SPTLC2: variants seen among roughly 807,000 people sequenced by gnomAD.
SPTLC2 encodes the protein serine palmitoyltransferase 2.
Under a neutral mutation model 62.0 loss-of-function variants are expected in SPTLC2, and 21 were observed. That is an observed-to-expected ratio of 0.34 (90% CI 0.24 to 0.49). SPTLC2 has a LOEUF of 0.49. Among genes scored for constraint, SPTLC2 ranks in the 20% least tolerant of loss-of-function variants. The pLI, the probability that SPTLC2 is intolerant of heterozygous loss-of-function variation, is 0.99. For missense variants in SPTLC2, 511 were observed against 713.0 expected (o/e 0.72, Z 3.23); for synonymous variants, 261 against 261.8 (o/e 1.00, Z 0.03).
chr14:77,512,785 A>G (rs982658034), intron 11 of SPTLC2, among the ~76,000 whole-genome samples: 1 of 152,000 alleles, frequency 6.6e-6, no homozygotes, highest in Non-Finnish European at 1.5e-5. Context: ...GCGCCCTCCG[A>G]GCTCACTGCA....
chr14:77,612,569 G>A (rs1027331058), intron 1 of SPTLC2, among the ~76,000 whole-genome samples: 3 of 152,146 alleles, frequency 2.0e-5, no homozygotes, highest in Non-Finnish European at 1.5e-5. Flanking sequence ...ATCAGGATCT[G>A]CTAAATCTAA....
Position 77,560,551 on chromosome 14 carries a change from G to C in SPTLC2, c.850+1845C>G, listed in dbSNP as rs147910030. ...GATCGGTTGAGCTGGGGAGGTAGAG[G>C]TTGCAGTGAGCTGAGTTCATGCCAA... On this transcript the variant is annotated intron_variant, in intron 6 of 11. Coordinates refer to ENST00000216484, the MANE Select transcript of SPTLC2 (RefSeq NM_004863.4). Among the ~76,000 whole-genome samples, 714 of 152,082 alleles carry C rather than the reference G, an allele frequency of 4.7e-3. 6 individuals are homozygous for C. The highest frequency in any genetic ancestry group is 0.016 in the African/African-American group (678 of 41,466).
Position 77,570,625 on chromosome 14 carries a change from T to A in SPTLC2, c.632-117A>T, listed in dbSNP as rs1241650685. The A allele has an allele frequency of 2.6e-5, 32 of 1,213,498 alleles. No individual in the cohort carries two copies. The East Asian group carries it at 5.8e-4, about 22-fold the overall frequency. The allele number at this position is 1,213,498 out of a possible 1,614,324, so 75.2% of individuals were successfully genotyped here. On this transcript the variant is annotated intron_variant, in intron 4 of 11. Transcript: ENST00000216484. ...TGTGTCCTTTTCAGACTAAGATCTA[T>A]GAAGGAGTCAATATTATGAAGAGTA...
rs2079577433 is a variant in SPTLC2 at position 77,555,405 on chromosome 14, C to G, written c.1071G>C (p.Arg357=). 1.9e-6 allele frequency: 3 copies of G among 1,614,196 alleles called. No homozygotes were observed. The highest frequency in any genetic ancestry group is 1.6e-4 in the Middle Eastern group (1 of 6,062). Residue 357 remains arginine (R), a synonymous_variant, in exon 8 of 12, where the codon CGG becomes CGC. Coordinates refer to ENST00000216484, the MANE Select transcript of SPTLC2 (RefSeq NM_004863.4). ...CCAGGCCAAAGTACTCCACCACACC[C>G]CGGCCTGTGGGGCCCAGGGCGCCAA... is the stretch of plus-strand genomic sequence containing the variant. ...HSIGALGPTG[R]GVVEYFGLDP... is the part of the protein sequence containing the mutation.
intron 5 of SPTLC2, among the ~76,000 whole-genome samples, chr14:77,564,066 A>T (rs1428524287): frequency 6.6e-6 from 1 of 151,912 alleles, no homozygotes; most frequent in Non-Finnish European, 1.5e-5. Flanking sequence ...AGCCTGGCCA[A>T]CATGGCAAAA....
intron 5 of SPTLC2, among the ~76,000 whole-genome samples, chr14:77,568,404 GT>G (rs1376322152): frequency 6.6e-6 from 1 of 152,162 alleles, no homozygotes; most frequent in African/African-American, 2.4e-5. Flanking sequence ...ATGTTTTGCT[GT>G]TGTTGAGTGA....
rs139099078 is a variant in SPTLC2, at chr14:77,528,607, A to T, written c.1304-7026T>A. Among the ~76,000 whole-genome samples the T allele has an allele frequency of 5.6e-3, 858 of 152,236 alleles. 4 individuals are homozygous for T. Among genetic ancestry groups the T allele is most frequent in the Middle Eastern group, 0.014 (4 of 294 alleles). On this transcript the variant is annotated intron_variant, in intron 9 of 11. Transcript: ENST00000216484. ...TATCAGCTCAGGGTCCCTCAAATAG[A>T]TAGCTCCAAGAATGGTTTCAGTTAG...
intron 2 of SPTLC2, among the ~76,000 whole-genome samples, chr14:77,582,038 CTTTT>C (rs747555398): frequency 6.9e-6 from 1 of 145,852 alleles, no homozygotes; most frequent in South Asian, 2.2e-4. Flanking sequence ...TATCTCATTT[CTTTT>C]TTTTAATTAA....
chr14:77,513,043 T>TTTTTTTTTTC (rs66611905), intron 11 of SPTLC2, among the ~76,000 whole-genome samples: 1 of 139,168 alleles, frequency 7.2e-6, no homozygotes, highest in Non-Finnish European at 1.5e-5. Flanking sequence ...TTTTTTTTTT[T>TTTTTTTTTTC]GAGACAGAGT....
At chr14:77,569,854 G>GAATTAATTAATTAATAT (rs1594996097) in intron 5 of SPTLC2, among the ~76,000 whole-genome samples, 1 of 70,334 alleles carries the variant, frequency 1.4e-5, no homozygotes, top group Non-Finnish European at 3.1e-5. Flanking sequence ...TTATATATAT[G>GAATTAATTAATTAATAT]TATATAAATA....
intron 2 of SPTLC2, among the ~76,000 whole-genome samples, chr14:77,595,049 G>A (rs1195323012): frequency 6.6e-6 from 1 of 152,070 alleles, no homozygotes; most frequent in Non-Finnish European, 1.5e-5. Context: ...ATGCTCAGGG[G>A]GAGAAGGGGG....
At chr14:77,583,258 A>G (rs1393354341) in intron 2 of SPTLC2, among the ~76,000 whole-genome samples, 1 of 150,804 alleles carries the variant, frequency 6.6e-6, no homozygotes, top group Non-Finnish European at 1.5e-5. Flanking sequence ...AATTTTAAAA[A>G]AGATGAGAAG....
intron 9 of SPTLC2, among the ~76,000 whole-genome samples, chr14:77,525,123 T>C (rs1427508269): frequency 2.0e-5 from 3 of 149,960 alleles, no homozygotes; most frequent in Non-Finnish European, 4.4e-5. Context: ...ATAAATATTA[T>C]GTATCAATTT....
At chr14:77,559,781 C>T (rs1006876781) in intron 6 of SPTLC2, among the ~76,000 whole-genome samples, 6 of 152,066 alleles carry the variant, frequency 3.9e-5, no homozygotes, top group Non-Finnish European at 7.4e-5. Flanking sequence ...GTCCTAGCTA[C>T]TCAGGAGACT....
chr14:77,571,190 T>C (rs769499009), intron 4 of SPTLC2, among the ~76,000 whole-genome samples: 3 of 152,188 alleles, frequency 2.0e-5, no homozygotes, highest in Non-Finnish European at 4.4e-5. Flanking sequence ...TTGAGATGGT[T>C]TGTTATACAG....
Position 77,517,045 on chromosome 14 carries a change from G to A in SPTLC2, c.1569+993C>T, listed in dbSNP as rs545458037. On this transcript the variant is annotated intron_variant, in intron 11 of 11. Coordinates refer to ENST00000216484, the MANE Select transcript of SPTLC2 (RefSeq NM_004863.4). ...GCGGATCACCTGAGGTCGGGAGTTC[G>A]AGACCAGCCTGACCAACATGGAGAA... Among the ~76,000 whole-genome samples, 884 of 152,276 alleles carry A rather than the reference G, an allele frequency of 5.8e-3. 9 individuals carry two copies. The highest frequency in any genetic ancestry group is 0.021 in the African/African-American group (853 of 41,560).
chr14:77,555,181 C>T (rs2140020293), intron 8 of SPTLC2, 119 bp downstream of exon 8: 1 of 1,137,866 alleles, frequency 8.8e-7, no homozygotes, highest in East Asian at 2.3e-5. Context: ...TATTATGAGC[C>T]TAAACCAGAG....
intron 5 of SPTLC2, among the ~76,000 whole-genome samples, chr14:77,564,400 TACACACAC>T (rs6145397): frequency 0.023 from 3,198 of 139,308 alleles, 76 homozygotes; most frequent in African/African-American, 0.053. Flanking sequence ...TATGCATGCA[TACACACAC>T]ACACACACAC....
intron 4 of SPTLC2, among the ~76,000 whole-genome samples, chr14:77,571,438 G>A (rs1475874191): frequency 1.3e-5 from 2 of 151,636 alleles, no homozygotes; most frequent in African/African-American, 4.9e-5. Flanking sequence ...GAACCTGGGA[G>A]GCAGAGGTTG....
Sources: gnomAD v4.1 joint callset for allele counts (sites outside exome capture counted in the v4.1 genomes callset) on GRCh38, gnomAD v4.1.1 for gene constraint, MANE v1.5 for transcripts, NCBI Gene and HGNC (gene_info 2026-07-23, HGNC 2026-07-21) for gene names.